Variants in STAT3 observed in about 807,000 individuals in gnomAD.
STAT3 encodes DNA-binding protein APRF.
A neutral mutation model predicts 114.3 loss-of-function variants in STAT3; 7 were observed. That is an observed-to-expected ratio of 0.06 (90% CI 0.03 to 0.11). The LOEUF is 0.11. Among genes scored for constraint, STAT3 ranks in the 10% least tolerant of loss-of-function variants. The probability of loss-of-function intolerance (pLI) is 1.00; values close to 1 mark genes in which losing one functional copy is unlikely to be tolerated. For missense variants in STAT3, 364 were observed against 960.9 expected, an observed-to-expected ratio of 0.38 and a Z score of 8.21; for synonymous variants, 331 against 354.5, an observed-to-expected ratio of 0.93 and a Z score of 0.74.
chr17:42,358,701 A>G (rs2083349544), intron 1 of STAT3, among the ~76,000 whole-genome samples: 1 of 152,068 alleles, frequency 6.6e-6, no homozygotes, highest in African/African-American at 2.4e-5. Context: ...CTGGGTGCAA[A>G]ACCCTGCCTG....
chr17:42,325,102 C>T (rs1742971804), intron 15 of STAT3, 41 bp from the exon 16 acceptor site: 1 of 1,577,672 alleles, frequency 6.3e-7, no homozygotes, highest in Admixed American at 1.7e-5. Flanking sequence ...GGCAGAGGGG[C>T]TCTCACAGCC....
rs761620031 is a variant in STAT3, at chr17:42,323,406, C to G, written c.1654-52G>C. 3 of 1,601,842 alleles carry G rather than the reference C, an allele frequency of 1.9e-6. No individual in the cohort carries two copies. The South Asian group carries it at 3.3e-5, about 18-fold the overall frequency. On this transcript the variant is annotated intron_variant, in intron 18 of 23. Coordinates refer to ENST00000264657, the MANE Select transcript of STAT3 (RefSeq NM_139276.3). ...AAGTCTACTGCCATCCCAGCCCTTC[C>G]CTTCCTAGGGGTGCAGTGCATCACC...
At position 42,333,817 on chromosome 17, in the gene STAT3, C is replaced by A. The variant is rs745340770; in HGVS notation, c.957-52G>T. The A allele has an allele frequency of 6.2e-7, 1 of 1,614,122 alleles. No homozygotes were observed. ...CGCCACGGCCATGACCAGAAGTCAG[C>A]CCGCCTCTCACTCTACCACGTGAGT... On this transcript the variant is annotated intron_variant, in intron 9 of 23. Transcript: ENST00000264657. The surrounding 1 kb of genome is among the most constrained non-coding windows in gnomAD (Gnocchi z 5.2).
chr17:42,384,662 C>G (rs746193852), intron 1 of STAT3, among the ~76,000 whole-genome samples: 1 of 152,006 alleles, frequency 6.6e-6, no homozygotes, highest in South Asian at 2.1e-4. Context: ...TTGGGTGATC[C>G]TCCCACCTTA....
At chr17:42,340,442 G>A (rs1194224441) in intron 4 of STAT3, among the ~76,000 whole-genome samples, 1 of 151,686 alleles carries the variant, frequency 6.6e-6, no homozygotes, top group Admixed American at 6.6e-5. Flanking sequence ...CAAGGCAGGA[G>A]GATCACTTGA....
intron 1 of STAT3, 51 bp downstream of exon 1, chr17:42,388,228 G>GCCCCCGGGT: frequency 1.6e-6 from 2 of 1,231,452 alleles, no homozygotes; most frequent in Non-Finnish European, 2.0e-6. Context: ...CCGCTGCGGA[G>GCCCCCGGGT]CCCCCGGGTC....
chr17:42,386,821 C>A (rs1229084931), intron 1 of STAT3: 3 of 152,200 alleles, frequency 2.0e-5, no homozygotes, highest in Non-Finnish European at 4.4e-5. Flanking sequence ...AGGCTCCAAC[C>A]TCTAAAACAT....
At chr17:42,339,557 G>A in intron 4 of STAT3, 148 bp from the exon 5 acceptor site, 2 of 763,574 alleles carry the variant, frequency 2.6e-6, no homozygotes, top group Non-Finnish European at 2.3e-6. Context: ...AGAGGCAGTG[G>A]TGCTGTCACT....
intron 1 of STAT3, among the ~76,000 whole-genome samples, chr17:42,365,793 C>T (rs2083757292): frequency 6.6e-6 from 1 of 151,638 alleles, no homozygotes; most frequent in Admixed American, 6.6e-5. Flanking sequence ...GTAGCTGGGA[C>T]TACAGGTGCC....
chr17:42,386,708 C>A (rs1383592485), intron 1 of STAT3, among the ~76,000 whole-genome samples: 1 of 152,130 alleles, frequency 6.6e-6, no homozygotes, highest in Non-Finnish European at 1.5e-5. Flanking sequence ...GTGGATATTT[C>A]TAAGTGATTA....
chr17:42,314,851 C>CTTTTTTTTTTTTTTT lies in STAT3; in HGVS notation c.*879_*893dup, dbSNP rs754306251. 7.2e-6 allele frequency: 1 copy of CTTTTTTTTTTTTTTT among 138,322 alleles called. No individual in the cohort carries two copies. Among genetic ancestry groups the CTTTTTTTTTTTTTTT allele is most frequent in the African/African-American group, 3.1e-5 (1 of 32,630 alleles). 8.6% of individuals were successfully genotyped at this position (138,322 alleles called of 1,614,324 possible). ...CCAAGGAGGCTGTTAACTGAAGTTT[C>CTTTTTTTTTTTTTTT]TTTTTTTTTTTTTTTTTTTTGAGAC... On this transcript the variant is annotated 3_prime_UTR_variant, in exon 24 of 24. Transcript: ENST00000264657.
intron 21 of STAT3, among the ~76,000 whole-genome samples, chr17:42,321,729 G>A (rs887862142): frequency 3.9e-5 from 6 of 152,342 alleles, no homozygotes; most frequent in Admixed American, 3.9e-4. Context: ...CATCTACTAA[G>A]AAGCACTGTG....
At position 42,313,510 on chromosome 17, in the gene STAT3, C is replaced by A; in HGVS notation, c.*2235G>T. On this transcript the variant is annotated 3_prime_UTR_variant, in exon 24 of 24. Transcript: ENST00000264657. ...ATAAACCACCTTATAGGTAGGTAAG[C>A]AACCCACGGGATTCCCTCGGCTGGG... The A allele has an allele frequency of 4.4e-6, 1 of 228,964 alleles. No individual in the cohort carries two copies. The highest frequency in any genetic ancestry group is 2.2e-5 in the African/African-American group (1 of 45,004). 14.2% of individuals were successfully genotyped at this position (228,964 alleles called of 1,614,324 possible).
At chr17:42,363,797 C>T (rs1029474733) in intron 1 of STAT3, among the ~76,000 whole-genome samples, 2 of 152,010 alleles carry the variant, frequency 1.3e-5, no homozygotes. Flanking sequence ...GTCAACTTAT[C>T]TCCTCCTTGC....
Position 42,333,595 on chromosome 17 carries a change from C to G in STAT3, c.1049+78G>C, listed in dbSNP as rs767216354. The stretch of plus-strand genomic sequence containing the variant: ...GACACCACACCTGGAAAGAATGACC[C>G]TGGCCACCAACTCTACCCTCACCCT... On this transcript the variant is annotated intron_variant, in intron 10 of 23. Transcript: ENST00000264657. This position sits in a 1 kb window ranked among gnomAD's most constrained non-coding sequence, Gnocchi z 5.2. The G allele has an allele frequency of 2.1e-5, 32 of 1,535,800 alleles. No homozygotes were observed. Among genetic ancestry groups the G allele is most frequent in the Non-Finnish European group, 2.5e-5 (28 of 1,113,382 alleles).
At position 42,337,525 on chromosome 17, in the gene STAT3, G is replaced by C. The variant is rs371541785; in HGVS notation, c.707C>G (p.Thr236Arg). 6.2e-7 allele frequency: 1 copy of C among 1,614,164 alleles called. No individual in the cohort carries two copies. The highest frequency in any genetic ancestry group is 1.3e-5 in the African/African-American group (1 of 75,028). ...SAMEYVQKTL[T>R]DEELADWKRR... Reference sequence around the variant, plus strand: ...CTTCCAGTCAGCCAGCTCCTCGTCCGTGAGAGTTTTCTGCACGTACTCCAT... The same window carrying C: ...CTTCCAGTCAGCCAGCTCCTCGTCCCTGAGAGTTTTCTGCACGTACTCCAT... The change falls in exon 8 of 24, where the codon ACG becomes AGG. Residue 236 changes from threonine to arginine, a missense_variant. This residue lies in a region of STAT3 where 294 missense variants were observed against 745.1 expected (regional missense o/e 0.39). Coordinates refer to ENST00000264657, the MANE Select transcript of STAT3 (RefSeq NM_139276.3). The surrounding 1 kb of genome is among the most constrained non-coding windows in gnomAD (Gnocchi z 4.0).
At chr17:42,338,876 TAAAG>T in intron 5 of STAT3, 64 bp from the exon 6 acceptor site, 3 of 1,445,894 alleles carry the variant, frequency 2.1e-6, no homozygotes, top group Non-Finnish European at 1.9e-6. Context: ...ACAGAAAATA[TAAAG>T]TTTCTGAGGA....
intron 1 of STAT3, 49 bp from the exon 2 acceptor site, chr17:42,348,588 A>G (rs1354260497): frequency 1.3e-5 from 21 of 1,607,186 alleles, no homozygotes; most frequent in Non-Finnish European, 1.7e-5. Flanking sequence ...AGTAGGGGTA[A>G]ACAATCTAGA....
At chr17:42,331,745 A>G (rs1051049530) in intron 10 of STAT3, among the ~76,000 whole-genome samples, 1 of 152,112 alleles carries the variant, frequency 6.6e-6, no homozygotes, top group Non-Finnish European at 1.5e-5. Context: ...CTGGGCAACA[A>G]AGTGAGAGCC....
Sources: gnomAD v4.1 joint callset for allele counts (sites outside exome capture counted in the v4.1 genomes callset) on GRCh38, gnomAD v4.1.1 for gene constraint, gnomAD v4.1.1 regional missense constraint, Gnocchi (gnomAD v3.1) non-coding constraint, MANE v1.5 for transcripts, NCBI Gene and HGNC (gene_info 2026-07-23, HGNC 2026-07-21) for gene names.